RASAL1: variants seen among roughly 807,000 people sequenced by gnomAD.
RASAL1 encodes the protein RAS protein activator like 1, also known as rasGAP-activating-like protein 1.
A neutral mutation model predicts 96.6 loss-of-function variants in RASAL1; 72 were observed. The ratio of observed to expected loss-of-function variants is 0.75; its 90% CI spans 0.62 to 0.91. The LOEUF (loss-of-function observed/expected upper bound fraction) is 0.91. Among genes scored for constraint, RASAL1 ranks in the 40% least tolerant of loss-of-function variants. The pLI, the probability that RASAL1 is intolerant of heterozygous loss-of-function variation, is 0.00. For missense variants in RASAL1, 1,016 were observed against 1,072.5 expected, an observed-to-expected ratio of 0.95 and a Z score of 0.74; for synonymous variants, 405 against 430.4, an observed-to-expected ratio of 0.94 and a Z score of 0.73.
rs920774345 is a variant in RASAL1 at position 113,099,285 on chromosome 12, T to C, written c.*644A>G. On this transcript the variant is annotated 3_prime_UTR_variant, in exon 21 of 21. Transcript: ENST00000548055. ...GTTTGAAAACCACACATCTAGACTT[T>C]CCCTCCTCTTTTTATACAGGGTAAT... The C allele has an allele frequency of 1.3e-5, 2 of 152,136 alleles. No individual in the cohort carries two copies. Among genetic ancestry groups the C allele is most frequent in the Admixed American group, 1.3e-4 (2 of 15,274 alleles). 9.4% of individuals were successfully genotyped at this position (152,136 alleles called of 1,614,324 possible).
chr12:113,109,625 C>T (rs567634585), intron 13 of RASAL1, among the ~76,000 whole-genome samples: 169 of 152,342 alleles, frequency 1.1e-3, no homozygotes, highest in Non-Finnish European at 1.7e-3. Context: ...TGAGAGTCTG[C>T]GCCTGTGTTT....
intron 17 of RASAL1, 36 bp downstream of exon 17, chr12:113,104,125 G>A: frequency 6.3e-7 from 1 of 1,589,234 alleles, no homozygotes; most frequent in Non-Finnish European, 8.6e-7. Context: ...GGGAACAGAG[G>A]GACGCCCCCC....
chr12:113,110,421 G>A (rs543872700), intron 13 of RASAL1, among the ~76,000 whole-genome samples: 3 of 152,270 alleles, frequency 2.0e-5, no homozygotes, highest in African/African-American at 7.2e-5. Context: ...GTGAATCCTG[G>A]TCTGATACAT....
At chr12:113,102,403 C>G (rs533359356) in intron 18 of RASAL1, among the ~76,000 whole-genome samples, 72 of 152,168 alleles carry the variant, frequency 4.7e-4, no homozygotes, top group Non-Finnish European at 9.0e-4. Context: ...ACTAAAAATA[C>G]AAAAATTAGC....
Position 113,104,248 on chromosome 12 carries a change from G to A in RASAL1, c.1881C>T (p.Asp627=). ...VSHIRAVERV[D]EGAFQLPHVM... Reference sequence around the variant, plus strand: ...CGTGGGGCAGTTGGAAGGCGCCCTCGTCTACGCGCTCCACGGCGCGGATGT... The same window carrying A: ...CGTGGGGCAGTTGGAAGGCGCCCTCATCTACGCGCTCCACGGCGCGGATGT... Residue 627 remains aspartate (D), a synonymous_variant, in exon 17 of 21, where the codon GAC becomes GAT. Transcript: ENST00000548055. The A allele has an allele frequency of 6.3e-7, 1 of 1,599,154 alleles. No individual in the cohort carries two copies. The highest frequency in any genetic ancestry group is 1.1e-5 in the South Asian group (1 of 88,838).
chr12:113,114,616 A>C (rs1951002623), intron 12 of RASAL1, among the ~76,000 whole-genome samples, 184 bp downstream of exon 12: 1 of 152,054 alleles, frequency 6.6e-6, no homozygotes, highest in African/African-American at 2.4e-5. Flanking sequence ...CCTGACCATA[A>C]CCCCTATACT....
rs929842574 is a variant in RASAL1 at position 113,130,225 on chromosome 12, T to C, written c.122+660A>G. On this transcript the variant is annotated intron_variant, in intron 2 of 20. Transcript: ENST00000548055. The surrounding 1 kb of genome is among the most constrained non-coding windows in gnomAD (Gnocchi z 5.1). ...GGTGGGAGCCAAGCAGGGCGCAGCCTGATATCCCCCTGCGAGACTCACTGA... is the reference window on the plus strand; with the variant it reads ...GGTGGGAGCCAAGCAGGGCGCAGCCCGATATCCCCCTGCGAGACTCACTGA... 2.6e-5 allele frequency among the ~76,000 whole-genome samples: 4 copies of C among 152,162 alleles called. No individual in the cohort carries two copies. The highest frequency in any genetic ancestry group is 9.7e-5 in the African/African-American group (4 of 41,434).
At chr12:113,121,724 T>C (rs1025500144) in intron 4 of RASAL1, 86 bp from the exon 5 acceptor site, 4 of 1,459,822 alleles carry the variant, frequency 2.7e-6, no homozygotes, top group Non-Finnish European at 3.7e-6. Flanking sequence ...AACATTATTT[T>C]CATTTTTTTT....
chr12:113,109,058 TTTAG>T (rs1950762088), intron 13 of RASAL1, among the ~76,000 whole-genome samples: 1 of 146,770 alleles, frequency 6.8e-6, no homozygotes, highest in African/African-American at 2.5e-5. Flanking sequence ...TTTTTTTTTT[TTTAG>T]TAGAGATGGG....
intron 3 of RASAL1, 91 bp downstream of exon 3, chr12:113,127,974 C>G (rs1194632547): frequency 6.4e-7 from 1 of 1,559,360 alleles, no homozygotes; most frequent in East Asian, 2.3e-5. Flanking sequence ...GAGGGCACAC[C>G]CTCGTGGGCT....
chr12:113,116,020 G>C lies in RASAL1; in HGVS notation c.763C>G (p.Arg255Gly). Reference protein sequence around the residue: ...GNLGALRVKVRLIEDRVLPSQ... With the variant: ...GNLGALRVKVGLIEDRVLPSQ... ...GGCAGGACGCGGTCCTCAATCAGGC[G>C]TACCTTCACTCGCAGGGCACCCAGG... Residue 255 changes from arginine (R) to glycine (G), a missense_variant, in exon 9 of 21, where the codon CGC (arginine) becomes GGC (glycine). Arg to Gly is a moderately radical substitution (Grantham distance 125, BLOSUM62 -2). Coordinates refer to ENST00000548055, the MANE Select transcript of RASAL1 (RefSeq NM_001301202.2). 6.2e-7 allele frequency: 1 copy of C among 1,604,638 alleles called. No homozygotes were observed. Among genetic ancestry groups the C allele is most frequent in the Non-Finnish European group, 8.5e-7 (1 of 1,175,406 alleles).
At chr12:113,102,087 C>T (rs1950470360) in intron 18 of RASAL1, 78 bp from the exon 19 acceptor site, 8 of 1,529,918 alleles carry the variant, frequency 5.2e-6, no homozygotes, top group Middle Eastern at 1.9e-4. Flanking sequence ...TTCGCCAAGC[C>T]GTGCTCCTTC....
At position 113,135,497 on chromosome 12, in the gene RASAL1, G is replaced by C. The variant is rs771553529; in HGVS notation, c.-35C>G. 5 of 1,566,784 alleles carry C rather than the reference G, an allele frequency of 3.2e-6. No individual in the cohort carries two copies. Among genetic ancestry groups the C allele is most frequent in the Non-Finnish European group, 4.3e-6 (5 of 1,152,400 alleles). On this transcript the variant is annotated 5_prime_UTR_variant, in exon 1 of 21. Transcript: ENST00000548055. This position sits in a 1 kb window ranked among gnomAD's most constrained non-coding sequence, Gnocchi z 5.7. ...CCACAAACTTTCCAGGCAGAAGGGC[G>C]CTCAGGTTCCGAGGCTGGACCAGGG...
rs1951299197 is a variant in RASAL1, at chr12:113,121,651, G to C, written c.299-13C>G. 6.2e-7 allele frequency: 1 copy of C among 1,614,016 alleles called. No individual in the cohort carries two copies. The highest frequency in any genetic ancestry group is 1.3e-5 in the African/African-American group (1 of 74,916). Reference sequence around the variant, plus strand: ...CAGCTGTCAATCCCTGAAGGGCACAGGCACTAACATTTATGAAGCGCCTAC... The same window carrying C: ...CAGCTGTCAATCCCTGAAGGGCACACGCACTAACATTTATGAAGCGCCTAC... On this transcript the variant is annotated splice_polypyrimidine_tract_variant and intron_variant, in intron 4 of 20. Transcript: ENST00000548055.
intron 13 of RASAL1, among the ~76,000 whole-genome samples, chr12:113,109,048 T>G (rs1439754155): frequency 8.4e-4 from 124 of 147,208 alleles, no homozygotes; most frequent in African/African-American, 2.9e-3. Flanking sequence ...TGTGTGTTTT[T>G]TTTTTTTTTT....
chr12:113,130,813 T>A lies in RASAL1; in HGVS notation c.122+72A>T. On this transcript the variant is annotated intron_variant, in intron 2 of 20. Transcript: ENST00000548055. This position sits in a 1 kb window ranked among gnomAD's most constrained non-coding sequence, Gnocchi z 5.1. ...TAAGCACTCCTTTAAATGTGAATTC[T>A]TGGTCCCAGATTCCCCAGGTCTAGA... 3 of 1,314,340 alleles carry A rather than the reference T, an allele frequency of 2.3e-6. No individual in the cohort carries two copies. Among genetic ancestry groups the A allele is most frequent in the Non-Finnish European group, 3.2e-6 (3 of 931,930 alleles). The allele number at this position is 1,314,340 out of a possible 1,614,324, so 81.4% of individuals were successfully genotyped here. A position where few individuals can be genotyped will look rare whatever the true frequency, so the allele number is the denominator to read the frequency against.
chr12:113,117,390 C>G (rs1295951904), intron 7 of RASAL1, among the ~76,000 whole-genome samples: 2 of 152,206 alleles, frequency 1.3e-5, no homozygotes, highest in Non-Finnish European at 2.9e-5. Context: ...GTTGAGGAAA[C>G]TGAGGCTCAG....
chr12:113,121,757 T>TG (rs1315513796), intron 4 of RASAL1, 119 bp from the exon 5 acceptor site: 1 of 1,232,830 alleles, frequency 8.1e-7, no homozygotes, highest in Non-Finnish European at 1.1e-6. Context: ...GGTCTGGTTC[T>TG]GTTGCCCAGG....
At chr12:113,136,461 C>T (rs550608714), upstream of RASAL1, among the ~76,000 whole-genome samples, 3 of 152,334 alleles carry the variant, frequency 2.0e-5, no homozygotes, top group East Asian at 3.9e-4. Context: ...TCCACTGTTA[C>T]CCCATTATCC....
Sources: allele counts gnomAD v4.1 joint callset (sites outside exome capture counted in the v4.1 genomes callset), GRCh38; gene constraint gnomAD v4.1.1; non-coding constraint Gnocchi (gnomAD v3.1); transcripts MANE v1.5; gene names NCBI Gene and HGNC (gene_info 2026-07-23, HGNC 2026-07-21).